GAPVD1: variants seen among roughly 807,000 people sequenced by gnomAD.
The protein encoded by GAPVD1 is GTPase-activating protein and VPS9 domain-containing protein 1.
GAPVD1 carries 35 observed loss-of-function variants against 155.5 expected under a neutral mutation model. The ratio of observed to expected loss-of-function variants is 0.23; its 90% CI spans 0.17 to 0.30. GAPVD1 has a LOEUF of 0.30. Among genes scored for constraint, GAPVD1 ranks in the 10% least tolerant of loss-of-function variants. The pLI is 1.00. For missense variants in GAPVD1, 1,429 were observed against 1,775.7 expected (o/e 0.80, Z 3.51); for synonymous variants, 636 against 619.7 (o/e 1.03, Z -0.39).
At chr9:125,307,106 A>C (rs1442348233) in intron 6 of GAPVD1, among the ~76,000 whole-genome samples, 8 of 152,038 alleles carry the variant, frequency 5.3e-5, no homozygotes, top group African/African-American at 1.9e-4. Flanking sequence ...TCTCTACTAA[A>C]TATACAAAAA....
chr9:125,310,104 G>A (rs1842448894), intron 8 of GAPVD1: 1 of 239,032 alleles, frequency 4.2e-6, no homozygotes, highest in Non-Finnish European at 9.3e-6. Context: ...TTTACTTTAT[G>A]TAAATTGCTA....
chr9:125,320,152 G>C (rs1179267130), intron 9 of GAPVD1, among the ~76,000 whole-genome samples: 1 of 151,960 alleles, frequency 6.6e-6, no homozygotes, highest in Admixed American at 6.6e-5. Context: ...TTTTTTCTTT[G>C]TAAGTGAGGG....
At chr9:125,340,577 T>C (rs1400677160) in intron 17 of GAPVD1, among the ~76,000 whole-genome samples, 1 of 152,164 alleles carries the variant, frequency 6.6e-6, no homozygotes, top group Non-Finnish European at 1.5e-5. Flanking sequence ...ATTTGGCACA[T>C]AGTACACATT....
At chr9:125,336,144 C>G (rs1264164508) in intron 15 of GAPVD1, among the ~76,000 whole-genome samples, 1 of 133,408 alleles carries the variant, frequency 7.5e-6, no homozygotes, top group Admixed American at 8.3e-5. Flanking sequence ...GACTTTGTCT[C>G]CAAAAAAAAA....
At chr9:125,340,919 A>C (rs564306578) in intron 17 of GAPVD1, among the ~76,000 whole-genome samples, 1 of 152,308 alleles carries the variant, frequency 6.6e-6, no homozygotes, top group South Asian at 2.1e-4. Flanking sequence ...TCCCTACAAA[A>C]TAAAAATAAA....
At chr9:125,273,155 G>A (rs1835188198) in intron 2 of GAPVD1, among the ~76,000 whole-genome samples, 4 of 152,104 alleles carry the variant, frequency 2.6e-5, no homozygotes, top group African/African-American at 4.8e-5. Flanking sequence ...AGATTTGGTG[G>A]TATTTAATTT....
At position 125,363,062 on chromosome 9, in the gene GAPVD1, A is replaced by G. The variant is rs1228508563; in HGVS notation, c.*316A>G. ...CAAAAATCTCTTAGGAAATGTCTAG[A>G]CCTCCATTCTTGGATTCCCTTTCTT... On this transcript the variant is annotated 3_prime_UTR_variant, in exon 28 of 28. Coordinates refer to ENST00000297933, the MANE Select transcript of GAPVD1 (RefSeq NM_001282680.3). The G allele has an allele frequency of 1.2e-5, 2 of 162,666 alleles. No individual in the cohort carries two copies. The highest frequency in any genetic ancestry group is 3.4e-4 in the East Asian group (2 of 5,818). 10.1% of individuals were successfully genotyped at this position (162,666 alleles called of 1,614,324 possible). A position where few individuals can be genotyped will look rare whatever the true frequency, so the allele number is the denominator to read the frequency against.
chr9:125,329,275 T>C (rs1022440877), intron 12 of GAPVD1, among the ~76,000 whole-genome samples: 3 of 152,256 alleles, frequency 2.0e-5, no homozygotes, highest in African/African-American at 7.2e-5. Flanking sequence ...TGTATTTTCC[T>C]GTGAATGTAT....
At chr9:125,327,452 A>T (rs768646369) in intron 12 of GAPVD1, among the ~76,000 whole-genome samples, 2 of 152,056 alleles carry the variant, frequency 1.3e-5, no homozygotes, top group Non-Finnish European at 2.9e-5. Flanking sequence ...TGGTGTACAG[A>T]TGATTTTGCC....
chr9:125,331,795 C>A, intron 13 of GAPVD1, 131 bp from the exon 14 acceptor site: 1 of 757,342 alleles, frequency 1.3e-6, no homozygotes, highest in Non-Finnish European at 2.2e-6. Context: ...ATTAACTAGT[C>A]CAGACTTACA....
Position 125,298,879 on chromosome 9 carries a change from T to C in GAPVD1, c.-32-11T>C, listed in dbSNP as rs1433652496. 1 of 1,199,348 alleles carries C rather than the reference T, an allele frequency of 8.3e-7. No individual in the cohort carries two copies. The highest frequency in any genetic ancestry group is 2.4e-5 in the East Asian group (1 of 41,842). 74.3% of individuals were successfully genotyped at this position (1,199,348 alleles called of 1,614,324 possible). On this transcript the variant is annotated splice_polypyrimidine_tract_variant and intron_variant, in intron 3 of 27. Transcript: ENST00000297933. The stretch of plus-strand genomic sequence containing the variant: ...TACATAAACTTTAAATCTTTATCTT[T>C]TTACTCTTAGTGATCAGCCTTTGAG...
Position 125,332,001 on chromosome 9 carries a change from A to T in GAPVD1, c.2249A>T (p.Asp750Val). Residue 750 changes from aspartate to valine, a missense_variant, in exon 14 of 28, where the codon GAT (aspartate) becomes GTT (valine). This residue lies in a region of GAPVD1 where 699 missense variants were observed against 826.0 expected (regional missense o/e 0.85). Coordinates refer to ENST00000297933, the MANE Select transcript of GAPVD1 (RefSeq NM_001282680.3). Reference sequence around the variant, plus strand: ...TCTGGACTGGGTAGCACATCTGATGATACGGATGTCAGGGAGGTCAGTTCC... The same window carrying T: ...TCTGGACTGGGTAGCACATCTGATGTTACGGATGTCAGGGAGGTCAGTTCC... The part of the protein sequence containing the change: ...SCSGLGSTSD[D>V]TDVREVSSRP... 6.2e-7 allele frequency: 1 copy of T among 1,612,990 alleles called. No individual in the cohort carries two copies. Among genetic ancestry groups the T allele is most frequent in the Non-Finnish European group, 8.5e-7 (1 of 1,178,942 alleles).
chr9:125,293,903 T>TATATATATATA, intron 2 of GAPVD1, among the ~76,000 whole-genome samples: 1 of 111,964 alleles, frequency 8.9e-6, no homozygotes, highest in South Asian at 2.8e-4. Context: ...TATATATATA[T>TATATATATATA]AAGTTTTTGT....
intron 12 of GAPVD1, among the ~76,000 whole-genome samples, chr9:125,327,862 C>T (rs753176544): frequency 3.9e-5 from 6 of 152,144 alleles, no homozygotes; most frequent in Non-Finnish European, 8.8e-5. Context: ...ACCCAGTGTA[C>T]CCATCACTCA....
At chr9:125,338,612 T>C (rs1289640854) in intron 17 of GAPVD1, among the ~76,000 whole-genome samples, 1 of 152,218 alleles carries the variant, frequency 6.6e-6, no homozygotes, top group African/African-American at 2.4e-5. Flanking sequence ...TTAGGTTGTT[T>C]GATGTTTTCT....
At position 125,321,536 on chromosome 9, in the gene GAPVD1, G is replaced by T; in HGVS notation, c.1706G>T (p.Ser569Ile). The T allele has an allele frequency of 6.2e-7, 1 of 1,613,660 alleles. No homozygotes were observed. The highest frequency in any genetic ancestry group is 1.3e-5 in the African/African-American group (1 of 75,044). ...PDKTLRFSLC[S>I]DNLEGISEGP... ...AAAACCTTGCGCTTTTCCCTCTGCA[G>T]TGATAATCTGGAAGGAATATCTGAA... Residue 569 changes from serine to isoleucine, a missense_variant, in exon 10 of 28, where the codon AGT (serine) becomes ATT (isoleucine). Physicochemically the swap from Ser to Ile is moderately radical, Grantham distance 142. This residue lies in a region of GAPVD1 where 628 missense variants were observed against 733.4 expected (regional missense o/e 0.86). Transcript: ENST00000297933.
intron 4 of GAPVD1, among the ~76,000 whole-genome samples, chr9:125,299,912 G>A (rs1449176544): frequency 2.1e-5 from 3 of 142,142 alleles, no homozygotes; most frequent in East Asian, 4.3e-4. Flanking sequence ...CCAGCTACTC[G>A]GGAGGCTGAG....
At chr9:125,339,641 A>G (rs1847547256) in intron 17 of GAPVD1, among the ~76,000 whole-genome samples, 1 of 152,216 alleles carries the variant, frequency 6.6e-6, no homozygotes, top group Admixed American at 6.5e-5. Flanking sequence ...ATTTACCTGT[A>G]TATTTCATTT....
intron 2 of GAPVD1, among the ~76,000 whole-genome samples, chr9:125,273,910 G>A (rs1169108475): frequency 1.3e-5 from 2 of 151,838 alleles, no homozygotes; most frequent in East Asian, 1.9e-4. Flanking sequence ...ATGGCGCTAA[G>A]GCTGAGAGCT....
Sources: allele counts gnomAD v4.1 joint callset (sites outside exome capture counted in the v4.1 genomes callset), GRCh38; gene constraint gnomAD v4.1.1; regional missense constraint gnomAD v4.1.1; transcripts MANE v1.5; gene names NCBI Gene and HGNC (gene_info 2026-07-23, HGNC 2026-07-21).